The following ANKRD11 variants were observed in gnomAD, a reference collection of about 807,000 sequenced individuals.
ANKRD11 encodes the protein ankyrin repeat domain-containing protein 11.
In ANKRD11, 17 loss-of-function variants were observed where a neutral mutation model predicts 195.7. The observed-to-expected ratio is 0.09, with a 90% CI of 0.06 to 0.13. ANKRD11 has a LOEUF of 0.13. ANKRD11 is among the 10% of genes least tolerant of loss of function. The pLI, the probability that ANKRD11 is intolerant of heterozygous loss-of-function variation, is 1.00. For synonymous variants in ANKRD11, 1,953 were observed against 1,528.1 expected, an observed-to-expected ratio of 1.28 and a Z score of -6.49; for missense variants, 3,735 against 3,566.1, an observed-to-expected ratio of 1.05 and a Z score of -1.21.
At chr16:89,292,773 A>G (rs537183697) in intron 4 of ANKRD11, among the ~76,000 whole-genome samples, 1 of 152,356 alleles carries the variant, frequency 6.6e-6, no homozygotes, top group South Asian at 2.1e-4. Context: ...CCACCGGCCA[A>G]TGAGCCCCAG....
chr16:89,333,985 G>A (rs149597935), intron 2 of ANKRD11, among the ~76,000 whole-genome samples: 6 of 151,742 alleles, frequency 4.0e-5, no homozygotes, highest in Non-Finnish European at 7.4e-5. Context: ...CTCAATCTGT[G>A]GTCAGATATA....
At chr16:89,362,819 T>C (rs2039788821) in intron 2 of ANKRD11, among the ~76,000 whole-genome samples, 1 of 152,190 alleles carries the variant, frequency 6.6e-6, no homozygotes, top group Admixed American at 6.5e-5. Context: ...TTTCTCAGCA[T>C]TCCACAAATT....
chr16:89,472,028 A>G (rs966228177), intron 1 of ANKRD11, among the ~76,000 whole-genome samples: 1 of 152,020 alleles, frequency 6.6e-6, no homozygotes, highest in Non-Finnish European at 1.5e-5. Flanking sequence ...TGTTGTACCC[A>G]TCCTTGACCC....
At chr16:89,269,197 C>G (rs762594906) in intron 12 of ANKRD11, among the ~76,000 whole-genome samples, 2 of 152,126 alleles carry the variant, frequency 1.3e-5, no homozygotes, top group Non-Finnish European at 2.9e-5. Context: ...GATACCGTCT[C>G]AAGGCTGGAG....
At chr16:89,479,718 C>T (rs981832748) in intron 1 of ANKRD11, among the ~76,000 whole-genome samples, 9 of 151,422 alleles carry the variant, frequency 5.9e-5, no homozygotes, top group African/African-American at 1.5e-4. Context: ...GCCGAGGGGG[C>T]GGATCACGAG....
intron 9 of ANKRD11, among the ~76,000 whole-genome samples, chr16:89,276,069 GC>G (rs1294523228): frequency 7.9e-5 from 12 of 152,224 alleles, no homozygotes; most frequent in African/African-American, 2.7e-4. Context: ...GAGCCGGGTG[GC>G]CAAGACCAGC....
intron 2 of ANKRD11, among the ~76,000 whole-genome samples, chr16:89,379,971 C>A (rs2040575320): frequency 6.6e-6 from 1 of 152,142 alleles, no homozygotes; most frequent in African/African-American, 2.4e-5. Context: ...CTCTATTTAC[C>A]AAACACTATT....
intron 2 of ANKRD11, among the ~76,000 whole-genome samples, chr16:89,357,574 G>A (rs1229635970): frequency 6.6e-6 from 1 of 152,208 alleles, no homozygotes; most frequent in African/African-American, 2.4e-5. Flanking sequence ...GTACTTCGAC[G>A]TTCACAGTTC....
At position 89,268,655 on chromosome 16, in the gene ANKRD11, G is replaced by T; in HGVS notation, c.7815C>A (p.Leu2605=). 6.3e-7 allele frequency: 1 copy of T among 1,582,140 alleles called. No homozygotes were observed. The highest frequency in any genetic ancestry group is 8.6e-7 in the Non-Finnish European group (1 of 1,164,648). ...DDKYDRMKTC[L]LMRQQHEAAA... is the part of the protein sequence containing the mutation. Reference sequence around the variant, plus strand: ...CGGCCTCGTGCTGCTGCCGCATGAGGAGGCAAGTCTGCGGGACACACAGCG... The same window carrying T: ...CGGCCTCGTGCTGCTGCCGCATGAGTAGGCAAGTCTGCGGGACACACAGCG... Residue 2605 remains leucine, a synonymous_variant, in exon 13 of 13, where the codon CTC becomes CTA. Coordinates refer to ENST00000301030, the MANE Select transcript of ANKRD11 (RefSeq NM_013275.6).
rs1446338393 is a variant in ANKRD11, at chr16:89,268,396, T to C, written c.*82A>G. 4 of 646,712 alleles carry C rather than the reference T, an allele frequency of 6.2e-6. No homozygotes were observed. Among genetic ancestry groups the C allele is most frequent in the Non-Finnish European group, 7.8e-6 (3 of 384,946 alleles). 40.1% of individuals were successfully genotyped at this position (646,712 alleles called of 1,614,324 possible). A position where few individuals can be genotyped will look rare whatever the true frequency, so the allele number is the denominator to read the frequency against. On this transcript the variant is annotated 3_prime_UTR_variant, in exon 13 of 13. Transcript: ENST00000301030. ...CTCCCCGCCCGGGTGGACAGGGCGC[T>C]CCCTCCTCCGCCCCTGGGGCTCAGC...
intron 7 of ANKRD11, chr16:89,288,065 C>A: frequency 1.1e-5 from 6 of 569,666 alleles, no homozygotes; most frequent in South Asian, 7.2e-5. Flanking sequence ...GTGCCCACTG[C>A]TCCTGGGCCG....
At chr16:89,290,543 G>A (rs1423304090) in intron 6 of ANKRD11, 82 bp downstream of exon 6, 15 of 1,415,160 alleles carry the variant, frequency 1.1e-5, no homozygotes, top group Non-Finnish European at 1.4e-5. Flanking sequence ...GGGCTCCAAT[G>A]GGGGGAGGCT....
rs1253341407 is a variant in ANKRD11, at chr16:89,355,944, C to T, written c.-59-38866G>A. Among the ~76,000 whole-genome samples, 4 of 152,142 alleles carry T rather than the reference C, an allele frequency of 2.6e-5. No individual in the cohort carries two copies. The East Asian group carries it at 5.8e-4, about 22-fold the overall frequency. On this transcript the variant is annotated intron_variant, in intron 2 of 12. Coordinates refer to ENST00000301030, the MANE Select transcript of ANKRD11 (RefSeq NM_013275.6). ...CAGGGCTCAGGAACGCTAAGTGACT[C>T]GCCCAAGACCACCAGAAATGAGTTG...
At chr16:89,325,317 G>A (rs2037637965) in intron 2 of ANKRD11, among the ~76,000 whole-genome samples, 1 of 152,046 alleles carries the variant, frequency 6.6e-6, no homozygotes, top group African/African-American at 2.4e-5. Flanking sequence ...GCATGCTGGC[G>A]GTCTCAGCTA....
At chr16:89,312,882 C>CGTAGCT (rs1567626438) in intron 3 of ANKRD11, among the ~76,000 whole-genome samples, 1 of 152,154 alleles carries the variant, frequency 6.6e-6, no homozygotes, top group African/African-American at 2.4e-5. Context: ...TCTTGAGGGA[C>CGTAGCT]GTAGCTCCCA....
chr16:89,373,574 C>T (rs1262603113), intron 2 of ANKRD11: 1 of 152,272 alleles, frequency 6.6e-6, no homozygotes, highest in Non-Finnish European at 1.5e-5. Context: ...CAGACACCAG[C>T]GATTCGAGAG....
intron 2 of ANKRD11, among the ~76,000 whole-genome samples, chr16:89,377,017 C>G (rs942840960): frequency 6.6e-6 from 1 of 152,216 alleles, no homozygotes; most frequent in African/African-American, 2.4e-5. Flanking sequence ...TTTTTCCGGA[C>G]TGCTTCCATT....
In ANKRD11 at chr16:89,286,193, G is replaced by A. The variant is rs779925583; in HGVS notation, c.745-7C>T. 5 of 1,612,838 alleles carry A rather than the reference G, an allele frequency of 3.1e-6. No individual in the cohort carries two copies. Among genetic ancestry groups the A allele is most frequent in the Admixed American group, 3.3e-5 (2 of 60,008 alleles). ...GCAGCAGCAGCTTCACCACCTACAA[G>A]ACAGTAACACCCGCGTCAGGGACTG... On this transcript the variant is annotated splice_region_variant and splice_polypyrimidine_tract_variant and intron_variant, in intron 7 of 12. Coordinates refer to ENST00000301030, the MANE Select transcript of ANKRD11 (RefSeq NM_013275.6).
chr16:89,407,852 C>CAAAAA (rs60723753), intron 2 of ANKRD11, among the ~76,000 whole-genome samples: 2 of 111,440 alleles, frequency 1.8e-5, no homozygotes, highest in Non-Finnish European at 1.8e-5. Flanking sequence ...TGTCTCCCTC[C>CAAAAA]AAAAAAAAAA....
Sources: gnomAD v4.1 joint callset for allele counts (sites outside exome capture counted in the v4.1 genomes callset) on GRCh38, gnomAD v4.1.1 for gene constraint, MANE v1.5 for transcripts, NCBI Gene and HGNC (gene_info 2026-07-23, HGNC 2026-07-21) for gene names.